FES: variants seen among roughly 807,000 people sequenced by gnomAD.
FES encodes FES proto-oncogene, tyrosine kinase, also known as tyrosine-protein kinase Fes/Fps.
Under a neutral mutation model 109.6 loss-of-function variants are expected in FES, and 83 were observed. The ratio of observed to expected loss-of-function variants is 0.76; its 90% CI spans 0.63 to 0.91. The LOEUF is 0.91. Ranked by LOEUF, FES falls within the 40% of genes least tolerant of loss-of-function variation. The pLI is 0.00. For synonymous variants in FES, 458 were observed against 442.1 expected (o/e 1.04, Z -0.45); for missense variants, 943 against 1,070.9 (o/e 0.88, Z 1.67).
intron 13 of FES, 66 bp from the exon 14 acceptor site, chr15:90,892,641 G>A (rs2033331518): frequency 1.4e-6 from 2 of 1,480,058 alleles, no homozygotes; most frequent in Admixed American, 2.0e-5. Context: ...AAGCAGAATG[G>A]GTAGGAAGCG....
At chr15:90,886,538 C>G (rs1201640424) in intron 3 of FES, among the ~76,000 whole-genome samples, 2 of 152,150 alleles carry the variant, frequency 1.3e-5, no homozygotes, top group Non-Finnish European at 2.9e-5. Context: ...TTCCTACTGC[C>G]AAGAACATAA....
Position 90,895,431 on chromosome 15 carries a change from G to A in FES, c.2342G>A (p.Cys781Tyr), listed in dbSNP as rs1278348907. 1.3e-6 allele frequency: 2 copies of A among 1,569,236 alleles called. No homozygotes were observed. The highest frequency in any genetic ancestry group is 1.7e-6 in the Non-Finnish European group (2 of 1,154,216). Reference sequence around the variant, plus strand: ...CTCCTCACAGGGGGCCGTCTGCCCTGCCCAGAGCTGTGTCCTGATGCCGTG... The same window carrying A: ...CTCCTCACAGGGGGCCGTCTGCCCTACCCAGAGCTGTGTCCTGATGCCGTG... ...EFVEKGGRLP[C>Y]PELCPDAVFR... The change falls in exon 19 of 19, where the codon TGC (cysteine) becomes TAC (tyrosine). Residue 781 changes from cysteine to tyrosine, a missense_variant. Coordinates refer to ENST00000328850, the MANE Select transcript of FES (RefSeq NM_002005.4).
rs1182587107 is a variant in FES at position 90,885,493 on chromosome 15, C to T, written c.295C>T (p.Leu99=). 3.1e-6 allele frequency: 5 copies of T among 1,613,318 alleles called. No individual in the cohort carries two copies. The East Asian group carries it at 8.9e-5, about 29-fold the overall frequency. ...QHAEDLNSGP[L]SKLSLLIRER... ...CGCAGAGGATCTGAACTCAGGGCCC[C>T]TGAGCAAGCTGAGCCTGCTCATCCG... is the stretch of plus-strand genomic sequence containing the variant. Residue 99 remains leucine (L), a synonymous_variant, in exon 3 of 19, where the codon CTG becomes TTG. Coordinates refer to ENST00000328850, the MANE Select transcript of FES (RefSeq NM_002005.4).
Position 90,889,405 on chromosome 15 carries a change from G to A in FES, c.768G>A (p.Gln256=). The A allele has an allele frequency of 6.2e-7, 1 of 1,614,110 alleles. No individual in the cohort carries two copies. The highest frequency in any genetic ancestry group is 1.1e-5 in the South Asian group (1 of 91,084). Reference sequence around the variant, plus strand: ...TGGCTGCAGCTGCTGCCCGCATCCAGCCTGAGGCTGAGTACCAAGGCTTCC... The same window carrying A: ...TGGCTGCAGCTGCTGCCCGCATCCAACCTGAGGCTGAGTACCAAGGCTTCC... ...REMAAAAARI[Q]PEAEYQGFLR... The change falls in exon 6 of 19, where the codon CAG becomes CAA. Residue 256 remains glutamine, a synonymous_variant. Coordinates refer to ENST00000328850, the MANE Select transcript of FES (RefSeq NM_002005.4). This position sits in a 1 kb window ranked among gnomAD's most constrained non-coding sequence, Gnocchi z 6.1.
Position 90,892,113 on chromosome 15 carries a change from T to A in FES, c.1707+2T>A. 1.2e-6 allele frequency: 2 copies of A among 1,613,974 alleles called. No homozygotes were observed. Among genetic ancestry groups the A allele is most frequent in the Non-Finnish European group, 1.7e-6 (2 of 1,179,960 alleles). On this transcript the variant is annotated splice_donor_variant, in intron 13 of 18. Transcript: ENST00000328850. LOFTEE classifies it high-confidence loss of function. ...GTGTTGGGTGAGCAGATTGGACGGG[T>A]GAGTGCGCCTCTGCTGGCCTCCTTG...
chr15:90,892,563 C>A (rs1051647802), intron 13 of FES, 144 bp from the exon 14 acceptor site: 4 of 680,474 alleles, frequency 5.9e-6, no homozygotes, highest in Admixed American at 5.9e-5. Flanking sequence ...GGTTCCCCAG[C>A]GAGGGTCAAA....
chr15:90,895,411 C>T lies in FES; in HGVS notation c.2327-5C>T. On this transcript the variant is annotated splice_region_variant and splice_polypyrimidine_tract_variant and intron_variant, in intron 18 of 18. Coordinates refer to ENST00000328850, the MANE Select transcript of FES (RefSeq NM_002005.4). ...ATGCCTGGTGTGCTGTGCCTCTCCT[C>T]ACAGGGGGCCGTCTGCCCTGCCCAG... 10 of 1,528,676 alleles carry T rather than the reference C, an allele frequency of 6.5e-6. No individual in the cohort carries two copies. Among genetic ancestry groups the T allele is most frequent in the Non-Finnish European group, 8.8e-6 (10 of 1,132,950 alleles). 94.7% of individuals were successfully genotyped at this position (1,528,676 alleles called of 1,614,324 possible).
intron 16 of FES, 40 bp from the exon 17 acceptor site, chr15:90,893,614 C>T (rs762236305): frequency 1.9e-5 from 29 of 1,532,864 alleles, no homozygotes; most frequent in South Asian, 1.1e-4. Flanking sequence ...GCTGGGCAGG[C>T]GACTGTTGGC....
In FES at chr15:90,889,495, G is replaced by T; in HGVS notation, c.807-22G>T. On this transcript the variant is annotated intron_variant, in intron 6 of 18. Transcript: ENST00000328850. The surrounding 1 kb of genome is among the most constrained non-coding windows in gnomAD (Gnocchi z 6.1). The stretch of plus-strand genomic sequence containing the variant: ...GCCCAGGGCTGCTGGCCTGTCCACT[G>T]ACGGGGCGCTGTCCCCCACAGGTCC... The T allele has an allele frequency of 1.2e-6, 2 of 1,613,888 alleles. 1 individual carries two copies.
chr15:90,891,922 C>T (rs2033253991), intron 12 of FES, 136 bp from the exon 13 acceptor site: 3 of 1,144,376 alleles, frequency 2.6e-6, no homozygotes, highest in African/African-American at 1.5e-5. Flanking sequence ...ACCCCGTAGT[C>T]ATCTCAGTGT....
intron 10 of FES, among the ~76,000 whole-genome samples, chr15:90,890,726 T>TGGGGGCC (rs2033134388): frequency 6.7e-6 from 1 of 149,032 alleles, no homozygotes; most frequent in Non-Finnish European, 1.5e-5. Flanking sequence ...AGGAGCGGGT[T>TGGGGGCC]GGGGGCCTGT....
rs531674962 is a variant in FES, at chr15:90,885,420, T to C, written c.222T>C (p.Ala74=). The change falls in exon 3 of 19, where the codon GCT becomes GCC. Residue 74 remains alanine (A), a synonymous_variant. Coordinates refer to ENST00000328850, the MANE Select transcript of FES (RefSeq NM_002005.4). The stretch of plus-strand genomic sequence containing the variant: ...CCATCTGTGCTGTATAGTCCTGGGC[T>C]GAGATCACCAGCCAAACTGAGGGCC... The part of the protein sequence containing the change: ...SPDSPISQSW[A]EITSQTEGLS... 3 of 1,612,576 alleles carry C rather than the reference T, an allele frequency of 1.9e-6. No individual in the cohort carries two copies. The South Asian group carries it at 3.3e-5, about 18-fold the overall frequency.
chr15:90,887,499 G>A (rs2032767727), intron 5 of FES, 129 bp downstream of exon 5: 1 of 983,384 alleles, frequency 1.0e-6, no homozygotes. Flanking sequence ...ATGAGAACGG[G>A]ACCTGGGCCA....
At chr15:90,887,411 A>G in intron 5 of FES, 41 bp downstream of exon 5, 1 of 1,551,704 alleles carries the variant, frequency 6.4e-7, no homozygotes, top group Non-Finnish European at 8.7e-7. Flanking sequence ...ACCCTTGAGC[A>G]GCCCTAAGCC....
In FES at chr15:90,887,020, T is replaced by C; in HGVS notation, c.447T>C (p.Ser149=). The C allele has an allele frequency of 6.2e-7, 1 of 1,614,132 alleles. No homozygotes were observed. The highest frequency in any genetic ancestry group is 1.7e-5 in the Admixed American group (1 of 60,024). The change falls in exon 4 of 19, where the codon AGT becomes AGC. Residue 149 remains serine, a synonymous_variant. Coordinates refer to ENST00000328850, the MANE Select transcript of FES (RefSeq NM_002005.4). ...KSQYRALARD[S]AQAKRKYQEA... ...AGTACCGAGCTCTGGCACGGGACAG[T>C]GCCCAAGCCAAGCGCAAGTACCAGG...
intron 18 of FES, among the ~76,000 whole-genome samples, chr15:90,894,829 G>A (rs931138005): frequency 6.6e-6 from 1 of 152,174 alleles, no homozygotes; most frequent in South Asian, 2.1e-4. Context: ...CATTTTGGGA[G>A]GCTGAGGAAG....
rs747088456 is a variant in FES, at chr15:90,890,297, G to T, written c.1236+19G>T. 3 of 1,586,896 alleles carry T rather than the reference G, an allele frequency of 1.9e-6. No homozygotes were observed. The highest frequency in any genetic ancestry group is 1.1e-5 in the South Asian group (1 of 90,248). ...GTCCTCGGTGAGCTGCCCCATCCGC[G>T]GCCGCTGCCCGCCACCGGCCTGCCC... On this transcript the variant is annotated intron_variant, in intron 9 of 18. Transcript: ENST00000328850.
At chr15:90,887,908 G>A (rs1167192873) in intron 5 of FES, among the ~76,000 whole-genome samples, 1 of 152,172 alleles carries the variant, frequency 6.6e-6, no homozygotes, top group Admixed American at 6.5e-5. Context: ...AGGCCTTGAG[G>A]TAGGAGAGTA....
At position 90,885,020 on chromosome 15, in the gene FES, C is replaced by T. The variant is rs553673776; in HGVS notation, c.-9-17C>T. Reference sequence around the variant, plus strand: ...CTGCTGCCTTGCCTCCAGGGATGGCCCCTTTTCTGTCCCCAGAACAGCACT... The same window carrying T: ...CTGCTGCCTTGCCTCCAGGGATGGCTCCTTTTCTGTCCCCAGAACAGCACT... On this transcript the variant is annotated splice_polypyrimidine_tract_variant and intron_variant, in intron 1 of 18. Coordinates refer to ENST00000328850, the MANE Select transcript of FES (RefSeq NM_002005.4). The T allele has an allele frequency of 2.5e-6, 4 of 1,579,824 alleles. No homozygotes were observed. In the South Asian group the frequency reaches 4.6e-5, roughly 18 times the overall value.
Sources: allele counts gnomAD v4.1 joint callset (sites outside exome capture counted in the v4.1 genomes callset), GRCh38; gene constraint gnomAD v4.1.1; non-coding constraint Gnocchi (gnomAD v3.1); transcripts MANE v1.5; gene names NCBI Gene and HGNC (gene_info 2026-07-23, HGNC 2026-07-21).